PUDP: variants seen among roughly 807,000 people sequenced by gnomAD.
The protein encoded by PUDP is pseudouridine-5'-phosphatase.
Under a neutral mutation model 9.4 loss-of-function variants are expected in PUDP, and 8 were observed. That is an observed-to-expected ratio of 0.85 (90% confidence interval 0.50 to 1.53). The LOEUF (loss-of-function observed/expected upper bound fraction) is 1.53. Among genes scored for constraint, PUDP ranks in the 40% most tolerant of loss-of-function variants. PUDP has a pLI of 0.00. For synonymous variants in PUDP, 99 were observed against 80.7 expected, an observed-to-expected ratio of 1.23 and a Z score of -1.22; for missense variants, 188 against 189.7, an observed-to-expected ratio of 0.99 and a Z score of 0.05.
At chrX:6,706,641 T>A in intron 1 of PUDP, among the ~76,000 whole-genome samples, 1 of 111,623 alleles carries the variant, frequency 9.0e-6, no homozygotes, top group Admixed American at 9.5e-5. Context: ...GTGGAGAAGA[T>A]CAGAATACGA....
chrX:7,094,826 C>T (rs1236244034), intron 2 of PUDP, among the ~76,000 whole-genome samples: 6 of 111,946 alleles, frequency 5.4e-5, no homozygotes, highest in Non-Finnish European at 1.1e-4. Context: ...AATGTGTTAC[C>T]ATGACTGTCA....
At chrX:6,924,146 T>C (rs1008324925) in intron 3 of PUDP, among the ~76,000 whole-genome samples, 7 of 111,780 alleles carry the variant, frequency 6.3e-5, no homozygotes, top group African/African-American at 2.3e-4. Flanking sequence ...TCTTTGTTGA[T>C]ACGTCCTTCT....
At chrX:6,963,291 C>T (rs750223516) in intron 3 of PUDP, among the ~76,000 whole-genome samples, 2 of 111,453 alleles carry the variant, frequency 1.8e-5, no homozygotes, top group Admixed American at 1.9e-4. Flanking sequence ...CACATGGGCA[C>T]AGCTAACAGA....
intron 3 of PUDP, among the ~76,000 whole-genome samples, chrX:6,833,700 T>C (rs754663853): frequency 3.1e-4 from 35 of 112,333 alleles, no homozygotes; most frequent in African/African-American, 1.0e-3. Flanking sequence ...AACTCACTCA[T>C]CAAAAAGAAT....
chrX:7,108,490 T>C (rs914332726), intron 1 of PUDP, among the ~76,000 whole-genome samples: 1 of 110,804 alleles, frequency 9.0e-6, no homozygotes, highest in Non-Finnish European at 1.9e-5. Flanking sequence ...CCTCCCCCTG[T>C]GCACTGACCC....
intron 2 of PUDP, among the ~76,000 whole-genome samples, chrX:7,103,347 A>G (rs114404728): frequency 0.016 from 1,844 of 112,563 alleles, 35 homozygotes; most frequent in African/African-American, 0.053. Flanking sequence ...GGAAAACTGG[A>G]CATCCACGTA....
At chrX:7,101,377 T>C (rs1698842455) in intron 2 of PUDP, among the ~76,000 whole-genome samples, 1 of 111,973 alleles carries the variant, frequency 8.9e-6, no homozygotes, top group Admixed American at 9.4e-5. Flanking sequence ...GAACTATCTT[T>C]GAAGAACTAG....
intron 1 of PUDP, among the ~76,000 whole-genome samples, chrX:6,982,948 C>T (rs189293415): frequency 9.0e-5 from 10 of 111,454 alleles, no homozygotes; most frequent in Admixed American, 1.9e-4. Context: ...CATTGCCCGG[C>T]GAAAGGATAA....
intron 3 of PUDP, among the ~76,000 whole-genome samples, chrX:6,731,750 AAGGGAGGGAGGGAGGG>A (rs777733500): frequency 1.3e-5 from 1 of 78,716 alleles, no homozygotes; most frequent in Admixed American, 1.4e-4. Context: ...GGAAGGAAGG[AAGGGAGGGAGGGAGGG>A]AGGGAGGGAG....
intron 2 of PUDP, among the ~76,000 whole-genome samples, chrX:7,091,426 C>T (rs1931418010): frequency 8.9e-6 from 1 of 111,745 alleles, no homozygotes; most frequent in African/African-American, 3.3e-5. Flanking sequence ...GCAATCTCTG[C>T]CTCCCTAGTT....
chrX:6,831,336 C>T (rs957160109), intron 3 of PUDP, among the ~76,000 whole-genome samples: 2 of 112,106 alleles, frequency 1.8e-5, no homozygotes, highest in African/African-American at 6.5e-5. Flanking sequence ...AATTTGTTAG[C>T]CTTGAAAAGG....
At chrX:6,953,483 C>G (rs1272383434) in intron 3 of PUDP, among the ~76,000 whole-genome samples, 11 of 62,885 alleles carry the variant, frequency 1.7e-4, no homozygotes, top group Admixed American at 1.2e-3. Context: ...ATTAATACAC[C>G]ACTTTTTTTT....
intron 3 of PUDP, among the ~76,000 whole-genome samples, chrX:6,772,630 G>GAAA (rs386416546): frequency 2.2e-4 from 21 of 96,779 alleles, no homozygotes; most frequent in Admixed American, 3.5e-4. Context: ...TACAGACAAG[G>GAAA]AAAAAAAAAA....
intron 3 of PUDP, among the ~76,000 whole-genome samples, chrX:6,773,294 C>T (rs1222154022): frequency 1.8e-5 from 2 of 112,085 alleles, no homozygotes; most frequent in Admixed American, 9.5e-5. Flanking sequence ...TTTTCTCTTG[C>T]TTTGTGATAC....
chrX:6,899,748 T>C (rs144689568), intron 3 of PUDP, among the ~76,000 whole-genome samples: 5,435 of 110,624 alleles, frequency 0.049, 144 homozygotes, highest in East Asian at 0.15. Context: ...TTTTGGTTAA[T>C]TGATGAACTT....
chrX:6,755,444 G>A (rs1925158523), intron 3 of PUDP, among the ~76,000 whole-genome samples: 1 of 111,781 alleles, frequency 8.9e-6, no homozygotes, highest in African/African-American at 3.2e-5. Flanking sequence ...TAGGGAAACA[G>A]AGATTTAAAA....
intron 3 of PUDP, among the ~76,000 whole-genome samples, chrX:6,749,279 C>T (rs1189944003): frequency 1.8e-5 from 2 of 111,756 alleles, no homozygotes; most frequent in Non-Finnish European, 3.8e-5. Context: ...GGATTGTGCA[C>T]AACACCAGTT....
At chrX:6,793,931 CCTT>C (rs752457548) in intron 3 of PUDP, among the ~76,000 whole-genome samples, 1 of 111,435 alleles carries the variant, frequency 9.0e-6, no homozygotes, top group South Asian at 3.8e-4. Flanking sequence ...TACTTCCTCT[CCTT>C]CTCCTGATTT....
intron 2 of PUDP, among the ~76,000 whole-genome samples, chrX:7,098,316 G>A (rs1259252867): frequency 8.9e-6 from 1 of 112,062 alleles, no homozygotes; most frequent in Non-Finnish European, 1.9e-5. Flanking sequence ...ACTGCTCCTT[G>A]CTTCAAGATG....
Sources: allele counts gnomAD v4.1 joint callset (sites outside exome capture counted in the v4.1 genomes callset), GRCh38; gene constraint gnomAD v4.1.1; transcripts MANE v1.5; gene names NCBI Gene and HGNC (gene_info 2026-07-23, HGNC 2026-07-21).